NPC2: variants seen among roughly 807,000 people sequenced by gnomAD.
NPC2 encodes the protein Niemann-Pick disease type C2 protein.
NPC2 carries 14 observed loss-of-function variants against 17.0 expected under a neutral mutation model. The observed-to-expected ratio is 0.82, with a 90% CI of 0.54 to 1.29. NPC2 has a LOEUF of 1.29. NPC2 is among the 50% of genes most tolerant of loss of function. NPC2 has a pLI of 0.00. For synonymous variants in NPC2, 75 were observed against 69.3 expected, an observed-to-expected ratio of 1.08 and a Z score of -0.41; for missense variants, 167 against 183.4, an observed-to-expected ratio of 0.91 and a Z score of 0.52.
At chr14:74,483,494 T>C (rs2086676502) in intron 3 of NPC2, 5 of 1,563,232 alleles carry the variant, frequency 3.2e-6, no homozygotes, top group East Asian at 2.2e-5. Context: ...AAAGAAATCA[T>C]GTCTGCTGCT....
chr14:74,489,269 C>A (rs1260984016), intron 1 of NPC2, among the ~76,000 whole-genome samples: 1 of 152,158 alleles, frequency 6.6e-6, no homozygotes, highest in Non-Finnish European at 1.5e-5. Flanking sequence ...TATATAGCTG[C>A]TGGGAATGAT....
chr14:74,493,428 G>A (rs1274678853), upstream of NPC2: 2 of 1,517,256 alleles, frequency 1.3e-6, no homozygotes, highest in South Asian at 1.2e-5. This position sits in a 1 kb window ranked among gnomAD's most constrained non-coding sequence, Gnocchi z 4.1. Context: ...CCCCGGCTCC[G>A]GAAAGCCAGC....
chr14:74,486,746 A>G (rs1334479279), intron 1 of NPC2, among the ~76,000 whole-genome samples: 1 of 152,246 alleles, frequency 6.6e-6, no homozygotes, highest in Non-Finnish European at 1.5e-5. Context: ...ATCATATTAA[A>G]GGAATTAAAC....
chr14:74,491,878 C>T (rs2086777159), intron 1 of NPC2, among the ~76,000 whole-genome samples: 1 of 152,126 alleles, frequency 6.6e-6, no homozygotes, highest in South Asian at 2.1e-4. Flanking sequence ...CCCCTTCTTG[C>T]CTGGGGACCG....
intron 3 of NPC2, chr14:74,483,346 C>A: frequency 1.5e-6 from 2 of 1,377,184 alleles, no homozygotes; most frequent in Non-Finnish European, 2.1e-6. Flanking sequence ...AAGAACAGGG[C>A]CAGAATTTAG....
intron 1 of NPC2, among the ~76,000 whole-genome samples, chr14:74,489,639 T>C (rs1374976023): frequency 2.0e-5 from 3 of 152,212 alleles, no homozygotes; most frequent in Non-Finnish European, 2.9e-5. Flanking sequence ...AAAAAAGGTT[T>C]AAATAAAGCC....
chr14:74,487,844 A>G (rs756494360), intron 1 of NPC2, among the ~76,000 whole-genome samples: 8 of 152,266 alleles, frequency 5.3e-5, no homozygotes, highest in Non-Finnish European at 8.8e-5. Context: ...GAAGGAAAGC[A>G]GAGGCATCTG....
At chr14:74,482,549 C>T (rs2139666206) in intron 3 of NPC2, among the ~76,000 whole-genome samples, 2 of 152,304 alleles carry the variant, frequency 1.3e-5, no homozygotes, top group Middle Eastern at 6.8e-3. Context: ...AACTACTGCT[C>T]TCTTGTTTTG....
upstream of NPC2, chr14:74,493,405 G>A: frequency 6.5e-7 from 1 of 1,530,764 alleles, no homozygotes; most frequent in South Asian, 1.2e-5. The surrounding 1 kb of genome is among the most constrained non-coding windows in gnomAD (Gnocchi z 4.1). Context: ...GCTGAGGCCC[G>A]CCCGCGCCCC....
chr14:74,488,312 C>T (rs1265952296), intron 1 of NPC2, among the ~76,000 whole-genome samples: 1 of 152,202 alleles, frequency 6.6e-6, no homozygotes, highest in East Asian at 1.9e-4. Context: ...TTCCTGGAAT[C>T]CCTTCTTTCT....
intron 1 of NPC2, among the ~76,000 whole-genome samples, chr14:74,486,652 T>A (rs2086715774): frequency 6.6e-6 from 1 of 152,216 alleles, no homozygotes; most frequent in Admixed American, 6.5e-5. Context: ...TTAATTCAGA[T>A]GATAAAGAAG....
intron 4 of NPC2, 120 bp from the exon 5 acceptor site, chr14:74,480,408 G>T: frequency 1.1e-6 from 1 of 905,268 alleles, no homozygotes; most frequent in Non-Finnish European, 1.9e-6. Flanking sequence ...GGTCCTGTCT[G>T]GCTGGACCTT....
At position 74,486,358 on chromosome 14, in the gene NPC2, G is replaced by C; in HGVS notation, c.161C>G (p.Ser54Cys). ...TQPCQLSKGQ[S>C]YSVNVTFTSN... ...GGTGAAGGTGACATTGACGCTGTAA[G>C]ACTGTCCTTTGCTCAGCTGGCAGGG... The change falls in exon 2 of 5, where the codon TCT (serine) becomes TGT (cysteine). Residue 54 changes from serine (S) to cysteine (C), a missense_variant. Ser to Cys is a moderately radical substitution (Grantham distance 112). Coordinates refer to ENST00000555619, the MANE Select transcript of NPC2 (RefSeq NM_006432.5). 6.2e-7 allele frequency: 1 copy of C among 1,603,832 alleles called. No homozygotes were observed. The highest frequency in any genetic ancestry group is 8.5e-7 in the Non-Finnish European group (1 of 1,175,032).
chr14:74,486,414 C>T lies in NPC2; in HGVS notation c.105G>A (p.Lys35=). The part of the protein sequence containing the change: ...KDCGSVDGVI[K]EVNVSPCPTQ... ...TGGGGCATGGGCTCACATTCACTTC[C>T]TTTATAACTCCATCCACAGAACCTG... The change falls in exon 2 of 5, where the codon AAG becomes AAA. Residue 35 remains lysine (K), a synonymous_variant. Coordinates refer to ENST00000555619, the MANE Select transcript of NPC2 (RefSeq NM_006432.5). 1 of 1,598,936 alleles carries T rather than the reference C, an allele frequency of 6.3e-7. No homozygotes were observed. Among genetic ancestry groups the T allele is most frequent in the Non-Finnish European group, 8.5e-7 (1 of 1,172,224 alleles).
chr14:74,483,023 T>C, intron 3 of NPC2: 1 of 1,137,602 alleles, frequency 8.8e-7, no homozygotes, highest in Non-Finnish European at 1.3e-6. Context: ...CAGTCTGCTC[T>C]GATGGTTCAG....
intron 1 of NPC2, among the ~76,000 whole-genome samples, chr14:74,487,660 A>G (rs1288253582): frequency 6.6e-6 from 1 of 152,218 alleles, no homozygotes; most frequent in East Asian, 1.9e-4. Flanking sequence ...ACATCTTTCT[A>G]CCTCAAGTTC....
chr14:74,491,569 T>C (rs1417417287), intron 1 of NPC2, among the ~76,000 whole-genome samples: 2 of 152,218 alleles, frequency 1.3e-5, no homozygotes, highest in East Asian at 3.8e-4. Flanking sequence ...TTTGCTTTTG[T>C]CTCAACATGA....
intron 1 of NPC2, among the ~76,000 whole-genome samples, chr14:74,491,703 C>T (rs1359175726): frequency 1.3e-5 from 2 of 152,186 alleles, no homozygotes; most frequent in African/African-American, 4.8e-5. Flanking sequence ...TGCAAAAATC[C>T]TGAGGAAATT....
At chr14:74,488,164 C>T (rs2086732498) in intron 1 of NPC2, among the ~76,000 whole-genome samples, 1 of 152,136 alleles carries the variant, frequency 6.6e-6, no homozygotes, top group South Asian at 2.1e-4. Context: ...GCCTCTTTGC[C>T]CCTCACCATG....
Sources: allele counts gnomAD v4.1 joint callset (sites outside exome capture counted in the v4.1 genomes callset), GRCh38; gene constraint gnomAD v4.1.1; non-coding constraint Gnocchi (gnomAD v3.1); transcripts MANE v1.5; gene names NCBI Gene and HGNC (gene_info 2026-07-23, HGNC 2026-07-21).